ABL1: variants seen among roughly 807,000 people sequenced by gnomAD.
ABL1 encodes the protein ABL proto-oncogene 1, non-receptor tyrosine kinase, also known as tyrosine-protein kinase ABL1.
ABL1 carries 11 observed loss-of-function variants against 94.7 expected under a neutral mutation model. That is an observed-to-expected ratio of 0.12 (90% CI 0.07 to 0.19). ABL1 has a LOEUF of 0.19. Ranked by LOEUF, ABL1 falls within the 10% of genes least tolerant of loss-of-function variation. ABL1 has a pLI of 1.00. For synonymous variants in ABL1, 656 were observed against 622.4 expected, an observed-to-expected ratio of 1.05 and a Z score of -0.80; for missense variants, 1,082 against 1,489.4, an observed-to-expected ratio of 0.73 and a Z score of 4.50.
chr9:130,823,485 G>C lies in ABL1; in HGVS notation c.137-30579G>C, dbSNP rs1830389633. The stretch of plus-strand genomic sequence containing the variant: ...TCAAACAAGCGAGATGCTTCTCTCT[G>C]TAACAGGCTGACAGTCGCGGTCCTG... On this transcript the variant is annotated intron_variant, in intron 1 of 10. Transcript: ENST00000372348. 7.9e-5 allele frequency among the ~76,000 whole-genome samples: 12 copies of C among 152,312 alleles called. No homozygotes were observed. The South Asian group carries it at 2.3e-3, about 29-fold the overall frequency.
chr9:130,857,656 C>G (rs1240185618), intron 3 of ABL1, among the ~76,000 whole-genome samples: 3 of 149,726 alleles, frequency 2.0e-5, no homozygotes, highest in African/African-American at 7.4e-5. Context: ...TGGCTGTCTT[C>G]ACACATTCAC....
chr9:130,794,475 T>C (rs1829948655), intron 1 of ABL1, among the ~76,000 whole-genome samples: 1 of 152,178 alleles, frequency 6.6e-6, no homozygotes. Context: ...CATAGAAATA[T>C]GTGTATTTCC....
intron 4 of ABL1, among the ~76,000 whole-genome samples, chr9:130,871,082 C>A (rs896768591): frequency 7.9e-5 from 12 of 152,230 alleles, no homozygotes; most frequent in Non-Finnish European, 1.6e-4. Context: ...GCCATTCACT[C>A]TCTGTTCCCC....
intron 1 of ABL1, among the ~76,000 whole-genome samples, chr9:130,746,664 G>A (rs938190494): frequency 4.0e-5 from 6 of 151,852 alleles, no homozygotes; most frequent in African/African-American, 1.5e-4. Flanking sequence ...GGCACAGTTT[G>A]CTTATTCATT....
At chr9:130,750,373 T>TTCCTTCCC (rs1211189912) in intron 1 of ABL1, among the ~76,000 whole-genome samples, 53 of 146,396 alleles carry the variant, frequency 3.6e-4, no homozygotes, top group Non-Finnish European at 6.5e-4. Flanking sequence ...CCCATCATCC[T>TTCCTTCCC]TCCTTCCCTC....
At position 130,855,065 on chromosome 9, in the gene ABL1, A is replaced by G; in HGVS notation, c.518A>G (p.His173Arg). The stretch of plus-strand genomic sequence containing the variant: ...CTGAGATACGAAGGGAGGGTGTACC[A>G]TTACAGGATCAACACTGCTTCTGAT... ...ISLRYEGRVY[H>R]YRINTASDGK... Residue 173 changes from histidine (H) to arginine (R), a missense_variant, in exon 3 of 11, where the codon CAT becomes CGT. This residue lies in a region of ABL1 where 47 missense variants were observed against 142.2 expected (regional missense o/e 0.33). Coordinates refer to ENST00000318560, the MANE Select transcript of ABL1 (RefSeq NM_005157.6). The G allele has an allele frequency of 6.2e-7, 1 of 1,614,166 alleles. No homozygotes were observed. Among genetic ancestry groups the G allele is most frequent in the Non-Finnish European group, 8.5e-7 (1 of 1,180,032 alleles).
At chr9:130,731,207 A>G (rs902486638) in intron 1 of ABL1, among the ~76,000 whole-genome samples, 1 of 151,506 alleles carries the variant, frequency 6.6e-6, no homozygotes, top group African/African-American at 2.4e-5. Flanking sequence ...GGGTTTCACC[A>G]TGTTGGCCAG....
At position 130,814,293 on chromosome 9, in the gene ABL1, AAAG is replaced by A. The variant is rs775485371; in HGVS notation, c.137-39768_137-39766del. ...AGAACGAGACTCCGTCTCAAAAAAA[AAAG>A]AAAGAAAGAAAGAAAAAGAAAAGGC... On this transcript the variant is annotated intron_variant, in intron 1 of 10. Transcript: ENST00000372348. This position sits in a 1 kb window ranked among gnomAD's most constrained non-coding sequence, Gnocchi z 4.4. Among the ~76,000 whole-genome samples, 3 of 151,740 alleles carry A rather than the reference AAAG, an allele frequency of 2.0e-5. No individual in the cohort carries two copies. Among genetic ancestry groups the A allele is most frequent in the African/African-American group, 2.4e-5 (1 of 41,130 alleles).
chr9:130,845,755 T>G (rs1830757840), intron 1 of ABL1, among the ~76,000 whole-genome samples: 1 of 151,442 alleles, frequency 6.6e-6, no homozygotes, highest in South Asian at 2.1e-4. Context: ...TTAAAAGTCT[T>G]TTGAGGACTG....
In ABL1 at chr9:130,859,553, C is replaced by G. The variant is rs566116304; in HGVS notation, c.550-3210C>G. Among the ~76,000 whole-genome samples, 7 of 151,954 alleles carry G rather than the reference C, an allele frequency of 4.6e-5. No individual in the cohort carries two copies. The South Asian group carries it at 1.5e-3, about 32-fold the overall frequency. On this transcript the variant is annotated intron_variant, in intron 3 of 10. Coordinates refer to ENST00000318560, the MANE Select transcript of ABL1 (RefSeq NM_005157.6). ...GGAACTTGCTTCCTGGCTGAGCAAC[C>G]TGTAAACAGTATGTCTGAGGTGGGA...
chr9:130,763,808 C>T (rs1415392814), intron 1 of ABL1, among the ~76,000 whole-genome samples: 1 of 152,180 alleles, frequency 6.6e-6, no homozygotes, highest in Non-Finnish European at 1.5e-5. Flanking sequence ...TGTTGGTTCC[C>T]CAGTCTACCC....
intron 1 of ABL1, among the ~76,000 whole-genome samples, chr9:130,813,626 TAATAAC>T (rs1237578697): frequency 3.3e-5 from 5 of 150,520 alleles, no homozygotes; most frequent in Non-Finnish European, 7.4e-5. Flanking sequence ...AATGAGGAAT[TAATAAC>T]AGAAAGGTAT....
chr9:130,745,347 G>A (rs575029961), intron 1 of ABL1, among the ~76,000 whole-genome samples: 29 of 152,100 alleles, frequency 1.9e-4, no homozygotes, highest in Non-Finnish European at 2.8e-4. Flanking sequence ...GCCTCCCAAA[G>A]TGCTGGGATT....
rs538954603 is a variant in ABL1, at chr9:130,801,940, G to T, written c.137-52124G>T. 2.0e-5 allele frequency among the ~76,000 whole-genome samples: 3 copies of T among 152,028 alleles called. No individual in the cohort carries two copies. The South Asian group carries it at 6.2e-4, about 32-fold the overall frequency. On this transcript the variant is annotated intron_variant, in intron 1 of 10. Coordinates refer to the ABL1 transcript ENST00000372348. Reference sequence around the variant, plus strand: ...GCATCTTGCATCTTCAAGTATCTGCGTATCATTAAGTTTGGGCAGTTTTTG... The same window carrying T: ...GCATCTTGCATCTTCAAGTATCTGCTTATCATTAAGTTTGGGCAGTTTTTG...
chr9:130,853,056 C>T (rs1005268009), intron 1 of ABL1, among the ~76,000 whole-genome samples: 1 of 151,394 alleles, frequency 6.6e-6, no homozygotes, highest in African/African-American at 2.4e-5. Flanking sequence ...CTAGCTGGTA[C>T]TTAGAGAGGT....
At chr9:130,771,752 C>CTTTTT (rs57339049) in intron 1 of ABL1, among the ~76,000 whole-genome samples, 1 of 106,922 alleles carries the variant, frequency 9.4e-6, no homozygotes, top group Non-Finnish European at 1.9e-5. Context: ...TTCTTTCTTT[C>CTTTTT]TTTTTTTTTT....
chr9:130,716,072 C>CTTTTT (rs71389339), intron 1 of ABL1, among the ~76,000 whole-genome samples: 31 of 91,218 alleles, frequency 3.4e-4, no homozygotes, highest in Non-Finnish European at 5.4e-4. Flanking sequence ...GAAAAATGTC[C>CTTTTT]TTTTTTTTTT....
intron 1 of ABL1, among the ~76,000 whole-genome samples, chr9:130,806,210 A>AG (rs1400019602): frequency 6.6e-6 from 1 of 152,190 alleles, no homozygotes; most frequent in Non-Finnish European, 1.5e-5. Flanking sequence ...CATCCTTAGG[A>AG]GGTAGGTCTG....
intron 4 of ABL1, among the ~76,000 whole-genome samples, chr9:130,868,356 T>C (rs1008505511): frequency 6.6e-6 from 1 of 152,088 alleles, no homozygotes; most frequent in Non-Finnish European, 1.5e-5. Context: ...ACTGTGCCTG[T>C]AACCTCTCTC....
Sources: allele counts gnomAD v4.1 joint callset (sites outside exome capture counted in the v4.1 genomes callset), GRCh38; gene constraint gnomAD v4.1.1; regional missense constraint gnomAD v4.1.1; non-coding constraint Gnocchi (gnomAD v3.1); transcripts MANE v1.5; gene names NCBI Gene and HGNC (gene_info 2026-07-23, HGNC 2026-07-21).